Variants in DCBLD1 observed in about 807,000 individuals in gnomAD.
The protein encoded by DCBLD1 is discoidin, CUB and LCCL domain-containing protein 1.
A neutral mutation model predicts 71.5 loss-of-function variants in DCBLD1; 57 were observed. The ratio of observed to expected loss-of-function variants is 0.80; its 90% confidence interval spans 0.64 to 0.99. The LOEUF (loss-of-function observed/expected upper bound fraction) is 0.99, where lower values mean the gene tolerates loss of function less well. Among genes scored for constraint, DCBLD1 ranks in the 50% least tolerant of loss-of-function variants. DCBLD1 has a pLI of 0.00. For missense variants in DCBLD1, 891 were observed against 923.5 expected (o/e 0.96, Z 0.46); for synonymous variants, 380 against 363.8 (o/e 1.04, Z -0.51).
chr6:117,532,080 C>G (rs1778740751), intron 5 of DCBLD1, among the ~76,000 whole-genome samples, 180 bp from the exon 6 acceptor site: 1 of 152,178 alleles, frequency 6.6e-6, no homozygotes, highest in African/African-American at 2.4e-5. Flanking sequence ...TGCAGCAGAA[C>G]AAAGCAAGTC....
chr6:117,564,719 AAAGG>A (rs1450671255), intron 14 of DCBLD1, among the ~76,000 whole-genome samples: 1 of 152,204 alleles, frequency 6.6e-6, no homozygotes, highest in African/African-American at 2.4e-5. Flanking sequence ...GTTACAAAAA[AAAGG>A]AAGAGACAGG....
At chr6:117,519,350 G>GTGTGTATGCTGCA (rs1440612834) in intron 2 of DCBLD1, among the ~76,000 whole-genome samples, 2 of 152,204 alleles carry the variant, frequency 1.3e-5, no homozygotes, top group African/African-American at 2.4e-5. Flanking sequence ...AGGAAAATCA[G>GTGTGTATGCTGCA]TGTGTATGCT....
At chr6:117,564,351 GAATTAT>G (rs1392247593) in intron 14 of DCBLD1, among the ~76,000 whole-genome samples, 1 of 152,022 alleles carries the variant, frequency 6.6e-6, no homozygotes, top group African/African-American at 2.4e-5. Context: ...ACTGAACTGT[GAATTAT>G]ATTTTTATTT....
intron 14 of DCBLD1, chr6:117,560,636 G>GTCTT (rs1389769024): frequency 5.1e-6 from 1 of 195,032 alleles, no homozygotes; most frequent in African/African-American, 2.3e-5. Context: ...CAAAATTTTC[G>GTCTT]TCTTTCTCAA....
intron 5 of DCBLD1, among the ~76,000 whole-genome samples, chr6:117,529,005 T>C (rs1055425210): frequency 6.6e-6 from 1 of 152,150 alleles, no homozygotes; most frequent in Non-Finnish European, 1.5e-5. Flanking sequence ...CATGCCCGGC[T>C]AATTTTTTGT....
chr6:117,550,161 A>G (rs759272789), downstream of DCBLD1, among the ~76,000 whole-genome samples: 17 of 152,180 alleles, frequency 1.1e-4, no homozygotes, highest in Non-Finnish European at 2.5e-4. Flanking sequence ...GCCTAGATCT[A>G]CAGCCCTTCT....
chr6:117,542,726 G>A (rs1256655914), intron 11 of DCBLD1, among the ~76,000 whole-genome samples: 1 of 151,698 alleles, frequency 6.6e-6, no homozygotes, highest in African/African-American at 2.4e-5. Context: ...GAAATGTGTT[G>A]CTTGAGCCAA....
At chr6:117,544,249 C>T (rs1213544591) in intron 12 of DCBLD1, 1 of 317,052 alleles carries the variant, frequency 3.2e-6, no homozygotes, top group South Asian at 7.8e-5. Flanking sequence ...ACTGCATGAG[C>T]TAGTGATAAA....
intron 2 of DCBLD1, among the ~76,000 whole-genome samples, chr6:117,518,789 C>T (rs1778291512): frequency 6.6e-6 from 1 of 152,142 alleles, no homozygotes. Flanking sequence ...TACCTCCCAC[C>T]AGGTCCCTCC....
chr6:117,537,397 G>A (rs551368471), intron 7 of DCBLD1, among the ~76,000 whole-genome samples, 172 bp downstream of exon 7: 1 of 151,872 alleles, frequency 6.6e-6, no homozygotes, highest in African/African-American at 2.4e-5. Context: ...AGCCGGGCCT[G>A]GTGGGGGGCG....
chr6:117,499,017 T>G (rs911844000), intron 1 of DCBLD1, among the ~76,000 whole-genome samples: 19 of 152,184 alleles, frequency 1.2e-4, no homozygotes, highest in Non-Finnish European at 2.2e-4. Flanking sequence ...CTTTTTTGTG[T>G]GTGCCTCTTC....
chr6:117,496,454 C>A (rs1464601729), intron 1 of DCBLD1, among the ~76,000 whole-genome samples: 1 of 152,124 alleles, frequency 6.6e-6, no homozygotes, highest in Admixed American at 6.5e-5. Context: ...GAGAGTAAGG[C>A]TGAGAATGGA....
At chr6:117,550,962 C>A (rs1265466275), downstream of DCBLD1, among the ~76,000 whole-genome samples, 1 of 152,086 alleles carries the variant, frequency 6.6e-6, no homozygotes, top group Non-Finnish European at 1.5e-5. Context: ...ATACAAACAC[C>A]CCAACCTGCA....
At chr6:117,522,439 T>G (rs1317073732) in intron 4 of DCBLD1, among the ~76,000 whole-genome samples, 2 of 145,060 alleles carry the variant, frequency 1.4e-5, no homozygotes, top group Non-Finnish European at 3.1e-5. Flanking sequence ...ACTATGACTG[T>G]TTTTTTTTTT....
downstream of DCBLD1, among the ~76,000 whole-genome samples, chr6:117,552,200 A>G (rs1779439013): frequency 6.6e-6 from 1 of 152,214 alleles, no homozygotes. Context: ...TGGAGATTTA[A>G]TCTTTGTAAC....
chr6:117,539,171 G>A, intron 8 of DCBLD1, 84 bp from the exon 9 acceptor site: 1 of 1,269,818 alleles, frequency 7.9e-7, no homozygotes. Context: ...AAATGAGGGA[G>A]AAAAAAATGA....
intron 5 of DCBLD1, among the ~76,000 whole-genome samples, chr6:117,531,428 C>T (rs1350335904): frequency 1.3e-5 from 2 of 152,208 alleles, no homozygotes. Flanking sequence ...AAGTTCTAGT[C>T]GTTTCTGTAG....
intron 14 of DCBLD1, among the ~76,000 whole-genome samples, chr6:117,557,858 G>A (rs1052771355): frequency 6.6e-6 from 1 of 152,200 alleles, no homozygotes; most frequent in Non-Finnish European, 1.5e-5. Context: ...CACTTTTTGT[G>A]TAGTTTCTTT....
chr6:117,510,901 C>T (rs1221553545), intron 2 of DCBLD1, among the ~76,000 whole-genome samples: 1 of 152,184 alleles, frequency 6.6e-6, no homozygotes, highest in Non-Finnish European at 1.5e-5. Context: ...ATGCACTGGG[C>T]TTAGTAAACC....
Sources: allele counts gnomAD v4.1 joint callset (sites outside exome capture counted in the v4.1 genomes callset), GRCh38; gene constraint gnomAD v4.1.1; transcripts MANE v1.5; gene names NCBI Gene and HGNC (gene_info 2026-07-23, HGNC 2026-07-21).